The following CXCL13 variants were observed in gnomAD, a reference collection of about 807,000 sequenced individuals.
The protein encoded by CXCL13 is C-X-C motif chemokine 13.
In CXCL13, 7 loss-of-function variants were observed where a neutral mutation model predicts 12.2. The observed-to-expected ratio is 0.57, with a 90% CI of 0.33 to 1.07. The LOEUF (loss-of-function observed/expected upper bound fraction) is 1.07, where lower values mean the gene tolerates loss of function less well. CXCL13 is among the 50% of genes least tolerant of loss of function. The probability of loss-of-function intolerance (pLI) is 0.04; values close to 1 mark genes in which losing one functional copy is unlikely to be tolerated. For synonymous variants in CXCL13, 47 were observed against 42.4 expected (o/e 1.11, Z -0.42); for missense variants, 113 against 127.4 (o/e 0.89, Z 0.55).
rs565609368 is a variant in CXCL13, at chr4:77,546,262, T to TAAA, written c.-43+34476_-43+34478dup. ...TGTTATCAGGATGATGCTGGCCTCA[T>TAAA]AAAATGAGTTAAGGAGGATGCCCTC... On this transcript the variant is annotated intron_variant, in intron 1 of 4. Transcript: ENST00000286758. 4.4e-3 allele frequency among the ~76,000 whole-genome samples: 667 copies of TAAA among 152,348 alleles called. 17 individuals carry two copies. Among genetic ancestry groups the TAAA allele is most frequent in the East Asian group, 0.026 (136 of 5,190 alleles).
At chr4:77,538,135 C>T (rs1011128523) in intron 1 of CXCL13, among the ~76,000 whole-genome samples, 3 of 152,050 alleles carry the variant, frequency 2.0e-5, no homozygotes, top group Non-Finnish European at 4.4e-5. Context: ...ACCAAGATAC[C>T]TCTGGATATT....
intron 1 of CXCL13, among the ~76,000 whole-genome samples, chr4:77,553,787 A>C (rs1222688552): frequency 6.6e-6 from 1 of 152,238 alleles, no homozygotes; most frequent in Non-Finnish European, 1.5e-5. Context: ...GGCATGCTGA[A>C]AGCCTCTAAT....
At chr4:77,572,844 T>A (rs1726120582) in intron 1 of CXCL13, among the ~76,000 whole-genome samples, 1 of 151,890 alleles carries the variant, frequency 6.6e-6, no homozygotes, top group Non-Finnish European at 1.5e-5. Flanking sequence ...TAAATGCTCA[T>A]CAGTGGTAGA....
chr4:77,534,604 A>T (rs563768144), intron 1 of CXCL13, among the ~76,000 whole-genome samples: 1 of 152,240 alleles, frequency 6.6e-6, no homozygotes, highest in Non-Finnish European at 1.5e-5. Context: ...GTATTATTTC[A>T]GTTGAATATG....
rs916030709 is a variant in CXCL13, at chr4:77,513,014, T to C, written c.-43+1226T>C. Among the ~76,000 whole-genome samples, 5 of 152,126 alleles carry C rather than the reference T, an allele frequency of 3.3e-5. No homozygotes were observed. In the East Asian group the frequency reaches 9.7e-4, roughly 29 times the overall value. ...TCATAGTTTAATTCCCACCTATGAG[T>C]GAGAACATGTGGTGTTTGGTTTTCT... On this transcript the variant is annotated intron_variant, in intron 1 of 4. Coordinates refer to the CXCL13 transcript ENST00000286758.
At chr4:77,535,901 G>T (rs1207964197) in intron 1 of CXCL13, among the ~76,000 whole-genome samples, 1 of 152,178 alleles carries the variant, frequency 6.6e-6, no homozygotes, top group Non-Finnish European at 1.5e-5. Flanking sequence ...TATGCTGTCT[G>T]AATTCCTGTC....
chr4:77,579,114 T>G (rs1726257429), intron 1 of CXCL13, among the ~76,000 whole-genome samples: 1 of 152,242 alleles, frequency 6.6e-6, no homozygotes, highest in African/African-American at 2.4e-5. Context: ...CTTGAGTGCC[T>G]GGATTGTGGA....
intron 1 of CXCL13, among the ~76,000 whole-genome samples, chr4:77,564,668 C>T (rs1427855615): frequency 6.6e-6 from 1 of 152,192 alleles, no homozygotes; most frequent in Non-Finnish European, 1.5e-5. Flanking sequence ...TAAATCATTG[C>T]CCAGGGCACC....
intron 1 of CXCL13, among the ~76,000 whole-genome samples, chr4:77,581,222 C>T (rs551328903): frequency 2.6e-5 from 4 of 152,198 alleles, no homozygotes; most frequent in Admixed American, 1.3e-4. Context: ...GAATTGTACA[C>T]TTTAAATGGG....
At position 77,526,539 on chromosome 4, in the gene CXCL13, T is replaced by C. The variant is rs768708840; in HGVS notation, c.-43+14751T>C. 8.5e-5 allele frequency among the ~76,000 whole-genome samples: 13 copies of C among 152,126 alleles called. No individual in the cohort carries two copies. The East Asian group carries it at 9.7e-4, about 11-fold the overall frequency. On this transcript the variant is annotated intron_variant, in intron 1 of 4. Coordinates refer to the CXCL13 transcript ENST00000286758. ...GGGAAAAGTCCATGGTAATTTCAAA[T>C]CTACATGAAGCAACCCTGAAATATA...
chr4:77,562,263 A>G (rs1725833571), intron 1 of CXCL13, among the ~76,000 whole-genome samples: 2 of 147,370 alleles, frequency 1.4e-5, no homozygotes, highest in South Asian at 4.3e-4. Flanking sequence ...AGCCTCCCTG[A>G]CGGGCAACGC....
chr4:77,561,669 G>A (rs1725815962), intron 1 of CXCL13, among the ~76,000 whole-genome samples: 1 of 152,224 alleles, frequency 6.6e-6, no homozygotes, highest in African/African-American at 2.4e-5. Flanking sequence ...ATTCCAGAGT[G>A]CAGGGGCTGG....
At chr4:77,573,094 G>A (rs1175489820) in intron 1 of CXCL13, among the ~76,000 whole-genome samples, 1 of 151,752 alleles carries the variant, frequency 6.6e-6, no homozygotes, top group East Asian at 1.9e-4. Context: ...GAGAATGGAG[G>A]GTGGGAGAAG....
At chr4:77,517,265 G>GA (rs1183076835) in intron 1 of CXCL13, among the ~76,000 whole-genome samples, 3 of 152,224 alleles carry the variant, frequency 2.0e-5, no homozygotes, top group East Asian at 1.9e-4. Context: ...GTGTGGTGCT[G>GA]AAAAAAATGT....
intron 1 of CXCL13, among the ~76,000 whole-genome samples, chr4:77,553,277 G>A (rs1725577710): frequency 6.6e-6 from 1 of 152,224 alleles, no homozygotes; most frequent in South Asian, 2.1e-4. Flanking sequence ...AGTTCTGGCT[G>A]TGGAAGCTTC....
At chr4:77,515,615 T>G (rs1724395423) in intron 1 of CXCL13, among the ~76,000 whole-genome samples, 1 of 152,176 alleles carries the variant, frequency 6.6e-6, no homozygotes. Context: ...GTTTGTCTGT[T>G]ATTGGTGTAT....
At chr4:77,595,229 T>G (rs1215321081) in intron 1 of CXCL13, among the ~76,000 whole-genome samples, 2 of 152,162 alleles carry the variant, frequency 1.3e-5, no homozygotes, top group Non-Finnish European at 2.9e-5. Context: ...CTAAGACCTC[T>G]TATGCTATAA....
At chr4:77,545,578 G>T (rs1327907867) in intron 1 of CXCL13, among the ~76,000 whole-genome samples, 1 of 152,178 alleles carries the variant, frequency 6.6e-6, no homozygotes, top group Non-Finnish European at 1.5e-5. Context: ...GAATGCTTGT[G>T]AGTTTTGCAC....
intron 1 of CXCL13, among the ~76,000 whole-genome samples, chr4:77,564,359 AT>A (rs1725877285): frequency 6.6e-6 from 1 of 152,214 alleles, no homozygotes; most frequent in Non-Finnish European, 1.5e-5. Context: ...GCAGGCACAG[AT>A]GGGATGGCTA....
Sources: allele counts gnomAD v4.1 joint callset (sites outside exome capture counted in the v4.1 genomes callset), GRCh38; gene constraint gnomAD v4.1.1; transcripts MANE v1.5; gene names NCBI Gene and HGNC (gene_info 2026-07-23, HGNC 2026-07-21).